Variants in LINC00305 observed in about 807,000 individuals in gnomAD.
The protein encoded by LINC00305 is long independently transcribed non-coding RNA 305.
chr18:64,097,701 A>G (rs1257435390), intron 3 of LINC00305: 1 of 321,650 alleles, frequency 3.1e-6, no homozygotes, highest in East Asian at 7.5e-5. Flanking sequence ...AAAAAGTAAA[A>G]TTTTAAGCAC....
At chr18:64,138,876 G>A (rs780083585) in intron 1 of LINC00305, among the ~76,000 whole-genome samples, 1 of 152,124 alleles carries the variant, frequency 6.6e-6, no homozygotes, top group African/African-American at 2.4e-5. Flanking sequence ...CGCCTGGAAC[G>A]ACTTGAATAA....
chr18:64,130,698 G>T (rs1228713032), intron 1 of LINC00305, among the ~76,000 whole-genome samples: 1 of 152,102 alleles, frequency 6.6e-6, no homozygotes, highest in Non-Finnish European at 1.5e-5. Context: ...CTTCACAGAA[G>T]GGTTGATATT....
At chr18:64,140,009 C>T (rs1157380636) in intron 1 of LINC00305, among the ~76,000 whole-genome samples, 1 of 152,058 alleles carries the variant, frequency 6.6e-6, no homozygotes. Flanking sequence ...TCTTTAAACA[C>T]ACAAAGACTG....
chr18:64,132,751 G>A (rs903598090), intron 1 of LINC00305, among the ~76,000 whole-genome samples: 7 of 152,162 alleles, frequency 4.6e-5, no homozygotes, highest in African/African-American at 1.7e-4. Flanking sequence ...GAAGGTCTTG[G>A]TTCCTACCAG....
chr18:64,134,607 AT>A (rs964505362), intron 1 of LINC00305, among the ~76,000 whole-genome samples: 6 of 152,212 alleles, frequency 3.9e-5, no homozygotes, highest in Admixed American at 3.9e-4. Context: ...TTAAATGAGA[AT>A]GTTTAACCAA....
intron 1 of LINC00305, among the ~76,000 whole-genome samples, chr18:64,108,425 G>A (rs562331439): frequency 4.6e-4 from 70 of 152,150 alleles, no homozygotes; most frequent in Non-Finnish European, 8.7e-4. Context: ...CAGAGAGAAG[G>A]AAAGATGAAA....
chr18:64,082,447 C>G (rs916348078), intron 3 of LINC00305, among the ~76,000 whole-genome samples: 2 of 152,306 alleles, frequency 1.3e-5, no homozygotes, highest in Admixed American at 6.5e-5. Context: ...AGTAACAAAA[C>G]TCCAGTTTCT....
At chr18:64,140,824 T>A (rs2051458733) in intron 1 of LINC00305, among the ~76,000 whole-genome samples, 1 of 152,014 alleles carries the variant, frequency 6.6e-6, no homozygotes, top group Non-Finnish European at 1.5e-5. Flanking sequence ...CTTCATTTTC[T>A]CAAAAATAGA....
At chr18:64,146,963 C>A (rs2051501141) in intron 1 of LINC00305, among the ~76,000 whole-genome samples, 1 of 152,112 alleles carries the variant, frequency 6.6e-6, no homozygotes, top group Non-Finnish European at 1.5e-5. Context: ...GTATGTTTTT[C>A]AGAATGTTTC....
chr18:64,119,376 G>T lies in LINC00305; in HGVS notation n.315-20736C>A, dbSNP rs191947987. On this transcript the variant is annotated intron_variant and non_coding_transcript_variant, in intron 1 of 3. Coordinates refer to ENST00000666468, the Ensembl canonical transcript of LINC00305. ...AATTCTGAGAGCTTTGTGAAGTTTAGGTTGGAGACTAGATTGATTTTTAAC... is the reference window on the plus strand; with the variant it reads ...AATTCTGAGAGCTTTGTGAAGTTTATGTTGGAGACTAGATTGATTTTTAAC... Among the ~76,000 whole-genome samples the T allele has an allele frequency of 2.3e-3, 350 of 152,224 alleles. 3 individuals carry two copies. Among genetic ancestry groups the T allele is most frequent in the East Asian group, 3.3e-3 (17 of 5,180 alleles).
At chr18:64,083,555 CTT>C (rs1414155738) in intron 3 of LINC00305, among the ~76,000 whole-genome samples, 1 of 152,172 alleles carries the variant, frequency 6.6e-6, no homozygotes, top group African/African-American at 2.4e-5. Flanking sequence ...ACACCAGAAA[CTT>C]TATGTACTAG....
At chr18:64,103,248 C>G (rs1022029859) in intron 1 of LINC00305, among the ~76,000 whole-genome samples, 36 of 152,196 alleles carry the variant, frequency 2.4e-4, no homozygotes, top group Admixed American at 5.9e-4. Context: ...CTGTCCTCAT[C>G]AATTCCTGTC....
chr18:64,136,026 G>T (rs1181213255), intron 1 of LINC00305, among the ~76,000 whole-genome samples: 1 of 152,214 alleles, frequency 6.6e-6, no homozygotes, highest in African/African-American at 2.4e-5. Context: ...TAATGGCCCA[G>T]CTCCGACCAG....
At chr18:64,089,211 C>T (rs1173467644) in intron 3 of LINC00305, among the ~76,000 whole-genome samples, 1 of 152,188 alleles carries the variant, frequency 6.6e-6, no homozygotes, top group African/African-American at 2.4e-5. Context: ...CCATGCTGTT[C>T]TCATGATAGT....
At chr18:64,138,668 G>A (rs917785282) in intron 1 of LINC00305, among the ~76,000 whole-genome samples, 1 of 151,966 alleles carries the variant, frequency 6.6e-6, no homozygotes, top group African/African-American at 2.4e-5. Flanking sequence ...TTCTCATTTT[G>A]GGGGGCCTAT....
At chr18:64,118,387 G>A (rs373575688) in intron 1 of LINC00305, among the ~76,000 whole-genome samples, 3 of 152,130 alleles carry the variant, frequency 2.0e-5, no homozygotes, top group African/African-American at 4.8e-5. Flanking sequence ...TTATAATAAC[G>A]TTGTGTCTAT....
intron 1 of LINC00305, among the ~76,000 whole-genome samples, chr18:64,109,707 G>T (rs879942809): frequency 5.2e-4 from 78 of 151,312 alleles, no homozygotes; most frequent in Non-Finnish European, 9.0e-4. Context: ...AAATATCTTG[G>T]TTTTTTTTTC....
chr18:64,136,193 C>T (rs970715896), intron 1 of LINC00305, among the ~76,000 whole-genome samples: 4 of 152,186 alleles, frequency 2.6e-5, no homozygotes, highest in Admixed American at 6.5e-5. Context: ...TTCGTCCTTA[C>T]TGATTGTGTG....
At chr18:64,129,033 G>A (rs1428352884) in intron 1 of LINC00305, among the ~76,000 whole-genome samples, 1 of 152,092 alleles carries the variant, frequency 6.6e-6, no homozygotes, top group East Asian at 1.9e-4. Context: ...GGAAGATATT[G>A]TCTATTATGA....
Sources: allele counts gnomAD v4.1 joint callset (sites outside exome capture counted in the v4.1 genomes callset), GRCh38; gene constraint gnomAD v4.1.1; transcripts MANE v1.5; gene names NCBI Gene and HGNC (gene_info 2026-07-23, HGNC 2026-07-21).